NF1: variants seen among roughly 807,000 people sequenced by gnomAD.
NF1 encodes neurofibromin 1.
In NF1, 122 loss-of-function variants were observed where a neutral mutation model predicts 325.7. That is an observed-to-expected ratio of 0.37 (90% CI 0.32 to 0.44). NF1 has a LOEUF of 0.44. NF1 is among the 20% of genes least tolerant of loss of function. The probability of loss-of-function intolerance (pLI) is 1.00; values close to 1 mark genes in which losing one functional copy is unlikely to be tolerated. For synonymous variants in NF1, 1,091 were observed against 1,186.0 expected (o/e 0.92, Z 1.65); for missense variants, 2,140 against 3,415.4 (o/e 0.63, Z 9.31).
rs779727341 is a variant in NF1 at position 31,156,091 on chromosome 17, G to A, written c.169G>A (p.Gly57Ser). The A allele has an allele frequency of 1.5e-5, 25 of 1,613,298 alleles. No individual in the cohort carries two copies. In the Admixed American group the frequency reaches 1.8e-4, roughly 12 times the overall value. ...ATACAAGTTTTCTTTGGTTATAAGC[G>A]GCCTCACTACTATTTTAAAGAATGT... The part of the protein sequence containing the change: ...SKYKFSLVIS[G>S]LTTILKNVNN... The change falls in exon 2 of 58, where the codon GGC becomes AGC. Residue 57 changes from glycine (G) to serine (S), a missense_variant. Physicochemically the swap from Gly to Ser is moderately conservative, Grantham distance 56. This residue lies in a region of NF1 where 246 missense variants were observed against 347.8 expected (regional missense o/e 0.71). Transcript: ENST00000358273.
chr17:31,361,263 G>A (rs981729377), intron 57 of NF1: 3 of 154,512 alleles, frequency 1.9e-5, no homozygotes, highest in Non-Finnish European at 4.3e-5. Flanking sequence ...AAGCCCATAA[G>A]CATATATATA....
intron 13 of NF1, among the ~76,000 whole-genome samples, chr17:31,217,674 T>C (rs1367342265): frequency 6.6e-6 from 1 of 151,830 alleles, no homozygotes; most frequent in Non-Finnish European, 1.5e-5. Context: ...TCTAAATAGG[T>C]AGGCATTCGG....
chr17:31,169,554 GT>G (rs202244174), intron 4 of NF1, among the ~76,000 whole-genome samples: 1 of 151,190 alleles, frequency 6.6e-6, no homozygotes, highest in Non-Finnish European at 1.5e-5. Context: ...TTTTGTTTTT[GT>G]TTTTTTTAAG....
At chr17:31,267,302 G>A (rs1235381213) in intron 36 of NF1, among the ~76,000 whole-genome samples, 1 of 152,162 alleles carries the variant, frequency 6.6e-6, no homozygotes, top group Non-Finnish European at 1.5e-5. Context: ...TGGGGTATGT[G>A]CTTATAAAAA....
chr17:31,177,445 C>G (rs989785756), intron 5 of NF1, among the ~76,000 whole-genome samples: 1 of 149,272 alleles, frequency 6.7e-6, no homozygotes, highest in East Asian at 2.0e-4. Context: ...GAAAAAAAAA[C>G]GAGCACGCCT....
At chr17:31,361,893 CAA>C (rs1345468354) in intron 57 of NF1, among the ~76,000 whole-genome samples, 1 of 152,158 alleles carries the variant, frequency 6.6e-6, no homozygotes, top group East Asian at 1.9e-4. Flanking sequence ...GCAGAGGAAA[CAA>C]ATTTTATTTC....
At chr17:31,345,007 C>G (rs1464805562) in intron 48 of NF1, among the ~76,000 whole-genome samples, 2 of 152,176 alleles carry the variant, frequency 1.3e-5, no homozygotes, top group Non-Finnish European at 2.9e-5. Flanking sequence ...CCTGTAGTTT[C>G]AGCCACTCAG....
At chr17:31,193,399 T>G (rs996565805) in intron 8 of NF1, among the ~76,000 whole-genome samples, 2 of 152,202 alleles carry the variant, frequency 1.3e-5, no homozygotes, top group African/African-American at 4.8e-5. Context: ...CTCAAACTTC[T>G]GGGCTTATGC....
intron 36 of NF1, among the ~76,000 whole-genome samples, chr17:31,306,041 G>C (rs2068711959): frequency 6.6e-6 from 1 of 151,984 alleles, no homozygotes; most frequent in African/African-American, 2.4e-5. Context: ...TGATTCTCCT[G>C]CCTTGAAGAA....
rs895239932 is a variant in NF1 at position 31,120,085 on chromosome 17, C to T, written c.60+24716C>T. 2.6e-5 allele frequency among the ~76,000 whole-genome samples: 4 copies of T among 152,260 alleles called. No homozygotes were observed. In the South Asian group the frequency reaches 8.3e-4, roughly 32 times the overall value. On this transcript the variant is annotated intron_variant, in intron 1 of 57. Coordinates refer to ENST00000358273, the MANE Select transcript of NF1 (RefSeq NM_001042492.3). ...TTCTTGTTGCTTAGGATTGTCTTGG[C>T]TCTACGGGCTCTTTTTTGGTTCCCT...
intron 36 of NF1, chr17:31,318,240 A>G (rs1366360332): frequency 3.4e-5 from 52 of 1,530,662 alleles, no homozygotes; most frequent in Non-Finnish European, 2.6e-6. Flanking sequence ...TTTGGGATTA[A>G]ATACCAACTG....
intron 18 of NF1, 54 bp from the exon 19 acceptor site, chr17:31,227,164 T>C (rs2067029018): frequency 6.4e-6 from 10 of 1,573,280 alleles, no homozygotes; most frequent in African/African-American, 1.3e-5. Context: ...AGGTTCTCCA[T>C]TGGCAGGCAG....
In NF1 at chr17:31,374,119, C is replaced by T. The variant is rs143289497; in HGVS notation, c.8484C>T (p.Gly2828=). 7 of 1,614,088 alleles carry T rather than the reference C, an allele frequency of 4.3e-6. No individual in the cohort carries two copies. In the African/African-American group the frequency reaches 9.3e-5, roughly 22 times the overall value. ...AAGTGCAGAAGCAAAGAAGCGCTGGCAGTTTCAAACGTAATAGCATTAAGA... is the reference window on the plus strand; with the variant it reads ...AAGTGCAGAAGCAAAGAAGCGCTGGTAGTTTCAAACGTAATAGCATTAAGA... ...ASQVQKQRSA[G]SFKRNSIKKI... is the part of the protein sequence containing the mutation. Residue 2828 remains glycine, a synonymous_variant, in exon 58 of 58, where the codon GGC becomes GGT. Coordinates refer to ENST00000358273, the MANE Select transcript of NF1 (RefSeq NM_001042492.3).
chr17:31,142,332 T>C (rs1305719538), intron 1 of NF1, among the ~76,000 whole-genome samples: 2 of 152,142 alleles, frequency 1.3e-5, no homozygotes, highest in African/African-American at 4.8e-5. Context: ...TCCTCAATTG[T>C]GTGAAAGTAA....
intron 21 of NF1, 63 bp from the exon 22 acceptor site, chr17:31,229,772 C>G: frequency 1.3e-6 from 2 of 1,596,966 alleles, no homozygotes; most frequent in Middle Eastern, 2.3e-4. Context: ...AGTTTCATCT[C>G]TCTAGGGGGT....
At chr17:31,313,111 G>T (rs1362128193) in intron 36 of NF1, among the ~76,000 whole-genome samples, 2 of 151,974 alleles carry the variant, frequency 1.3e-5, no homozygotes, top group Non-Finnish European at 2.9e-5. Context: ...AAATCTATAT[G>T]TAAAAAATAA....
chr17:31,097,776 A>C (rs780551003), intron 1 of NF1, among the ~76,000 whole-genome samples: 2 of 151,966 alleles, frequency 1.3e-5, no homozygotes, highest in Non-Finnish European at 2.9e-5. Flanking sequence ...GGTTCATTGC[A>C]ACCCCTGCTT....
intron 12 of NF1, among the ~76,000 whole-genome samples, chr17:31,209,963 T>A (rs921913397): frequency 6.6e-6 from 1 of 152,204 alleles, no homozygotes. Context: ...TAGCTCTCTT[T>A]AAAACTGTAT....
chr17:31,307,537 G>A (rs973378990), intron 36 of NF1, among the ~76,000 whole-genome samples: 1 of 152,160 alleles, frequency 6.6e-6, no homozygotes, highest in Non-Finnish European at 1.5e-5. Context: ...CTGGGATGTG[G>A]TAGATGCTAA....
Sources: allele counts gnomAD v4.1 joint callset (sites outside exome capture counted in the v4.1 genomes callset), GRCh38; gene constraint gnomAD v4.1.1; regional missense constraint gnomAD v4.1.1; transcripts MANE v1.5; gene names NCBI Gene and HGNC (gene_info 2026-07-23, HGNC 2026-07-21).